The following PPME1 variants were observed in gnomAD, a reference collection of about 807,000 sequenced individuals.
The protein encoded by PPME1 is testicular secretory protein Li 39.
In PPME1, 17 loss-of-function variants were observed where a neutral mutation model predicts 56.9. That is an observed-to-expected ratio of 0.30 (90% confidence interval 0.20 to 0.45). PPME1 has a LOEUF of 0.45. Among genes scored for constraint, PPME1 ranks in the 20% least tolerant of loss-of-function variants. The pLI, the probability that PPME1 is intolerant of heterozygous loss-of-function variation, is 1.00. For missense variants in PPME1, 357 were observed against 483.2 expected, an observed-to-expected ratio of 0.74 and a Z score of 2.45; for synonymous variants, 122 against 156.2, an observed-to-expected ratio of 0.78 and a Z score of 1.63.
At chr11:74,185,474 A>G (rs1271312421) in intron 1 of PPME1, among the ~76,000 whole-genome samples, 1 of 152,096 alleles carries the variant, frequency 6.6e-6, no homozygotes, top group Non-Finnish European at 1.5e-5. Flanking sequence ...GCTTACATAA[A>G]TGCTGACTAT....
intron 11 of PPME1, chr11:74,250,132 G>A (rs974883012): frequency 6.6e-6 from 1 of 152,312 alleles, no homozygotes; most frequent in Non-Finnish European, 1.5e-5. Context: ...ACCACAGGAT[G>A]TAATGACCAG....
rs1157162865 is a variant in PPME1, at chr11:74,230,371, G to T, written c.525G>T (p.Leu175Phe). The T allele has an allele frequency of 6.2e-7, 1 of 1,613,648 alleles. No individual in the cohort carries two copies. Among genetic ancestry groups the T allele is most frequent in the Non-Finnish European group, 8.5e-7 (1 of 1,179,762 alleles). Residue 175 changes from leucine (L) to phenylalanine (F), a missense_variant, in exon 6 of 14, where the codon TTG becomes TTT. Leu to Phe is a conservative substitution (Grantham distance 22). Around this residue, in one of 2 missense-constraint regions of PPME1, gnomAD observed 182 missense variants for 293.8 expected, o/e 0.62. Transcript: ENST00000328257. This position sits in a 1 kb window ranked among gnomAD's most constrained non-coding sequence, Gnocchi z 4.9. ...CATCCAACCTGGTACCAAGCCTCTT[G>T]GGTCTGTGCATGATTGATGTTGTAG... ...TASSNLVPSL[L>F]GLCMIDVVEG... is the part of the protein sequence containing the mutation.
intron 1 of PPME1, among the ~76,000 whole-genome samples, chr11:74,175,648 C>T (rs377050398): frequency 1.4e-4 from 22 of 152,172 alleles, no homozygotes; most frequent in Non-Finnish European, 2.8e-4. Flanking sequence ...ACCTCAAACT[C>T]GTGGGCTCAA....
chr11:74,179,227 C>T (rs1179826556), intron 1 of PPME1, among the ~76,000 whole-genome samples: 1 of 152,208 alleles, frequency 6.6e-6, no homozygotes, highest in Non-Finnish European at 1.5e-5. Flanking sequence ...AGTTTCTCTT[C>T]CTGGGCCTCG....
intron 3 of PPME1, among the ~76,000 whole-genome samples, chr11:74,207,171 C>A (rs2135628591): frequency 6.6e-6 from 1 of 152,286 alleles, no homozygotes; most frequent in Non-Finnish European, 1.5e-5. Flanking sequence ...AGGACTATTA[C>A]AAAGCAACCC....
chr11:74,225,866 CTG>C (rs1858921103), intron 5 of PPME1, among the ~76,000 whole-genome samples: 1 of 152,100 alleles, frequency 6.6e-6, no homozygotes, highest in Non-Finnish European at 1.5e-5. Context: ...TGGTAAAGCT[CTG>C]TGTAGGAATC....
Position 74,171,315 on chromosome 11 carries a change from A to G in PPME1, c.-107A>G. On this transcript the variant is annotated 5_prime_UTR_variant, in exon 1 of 14. Transcript: ENST00000328257. Reference sequence around the variant, plus strand: ...CTACGGGTAGCTGGGTGCTGTCCAAAGGCGACAGGGCGTCGTTAGGGGAGC... The same window carrying G: ...CTACGGGTAGCTGGGTGCTGTCCAAGGGCGACAGGGCGTCGTTAGGGGAGC... 1.3e-6 allele frequency: 2 copies of G among 1,511,784 alleles called. No individual in the cohort carries two copies. The highest frequency in any genetic ancestry group is 1.8e-6 in the Non-Finnish European group (2 of 1,129,598). 93.6% of individuals were successfully genotyped at this position (1,511,784 alleles called of 1,614,324 possible).
chr11:74,177,193 G>T (rs1049888708), intron 1 of PPME1, among the ~76,000 whole-genome samples: 1 of 152,074 alleles, frequency 6.6e-6, no homozygotes, highest in Non-Finnish European at 1.5e-5. Flanking sequence ...AGGCTCAGTG[G>T]TCCATGCCTG....
At chr11:74,233,350 T>A (rs1329794803) in intron 7 of PPME1, among the ~76,000 whole-genome samples, 1 of 152,186 alleles carries the variant, frequency 6.6e-6, no homozygotes, top group African/African-American at 2.4e-5. Context: ...CTATGAGGTA[T>A]TTGGTAATTT....
chr11:74,234,570 TC>T (rs1047396181), intron 7 of PPME1, among the ~76,000 whole-genome samples: 1 of 151,990 alleles, frequency 6.6e-6, no homozygotes, highest in African/African-American at 2.4e-5. Context: ...TGCAGAGAGA[TC>T]AAGTAAGATG....
chr11:74,190,153 T>C (rs1857795922), intron 1 of PPME1, among the ~76,000 whole-genome samples: 1 of 152,222 alleles, frequency 6.6e-6, no homozygotes, highest in Non-Finnish European at 1.5e-5. Flanking sequence ...GAAAGCCACC[T>C]AGCAGCATGC....
chr11:74,237,890 T>A (rs1859237336), intron 8 of PPME1: 1 of 152,234 alleles, frequency 6.6e-6, no homozygotes, highest in Non-Finnish European at 1.5e-5. Context: ...TGCCCACTTT[T>A]CAATTCCTAA....
intron 5 of PPME1, among the ~76,000 whole-genome samples, chr11:74,228,836 C>G (rs949821720): frequency 6.6e-6 from 1 of 151,854 alleles, no homozygotes; most frequent in Non-Finnish European, 1.5e-5. Context: ...GTTCTCTTTT[C>G]TTTCCTTCAT....
intron 1 of PPME1, among the ~76,000 whole-genome samples, chr11:74,173,480 A>C (rs1314271384): frequency 6.6e-6 from 1 of 152,142 alleles, no homozygotes; most frequent in Non-Finnish European, 1.5e-5. Context: ...AAAAAGGAAA[A>C]TCTGCTGATT....
At chr11:74,226,716 G>A (rs1858940675) in intron 5 of PPME1, among the ~76,000 whole-genome samples, 1 of 152,086 alleles carries the variant, frequency 6.6e-6, no homozygotes, top group African/African-American at 2.4e-5. Flanking sequence ...AGAACCTTAA[G>A]GAAACATGGA....
intron 1 of PPME1, among the ~76,000 whole-genome samples, chr11:74,172,137 G>A (rs1014814337): frequency 1.3e-5 from 2 of 152,172 alleles, no homozygotes; most frequent in African/African-American, 4.8e-5. Context: ...TCTTAAGGGA[G>A]AATGAGAAAG....
At chr11:74,199,886 A>G (rs1277508580) in intron 1 of PPME1, among the ~76,000 whole-genome samples, 1 of 152,192 alleles carries the variant, frequency 6.6e-6, no homozygotes, top group Admixed American at 6.5e-5. Flanking sequence ...CCTGAGACTC[A>G]TTCACTACCA....
At chr11:74,229,043 C>T (rs1859000709) in intron 5 of PPME1, among the ~76,000 whole-genome samples, 2 of 152,162 alleles carry the variant, frequency 1.3e-5, no homozygotes, top group Non-Finnish European at 2.9e-5. Context: ...TTGGTGGCCT[C>T]CCTATCTCCC....
chr11:74,194,784 A>G (rs1016082926), intron 1 of PPME1, among the ~76,000 whole-genome samples: 3 of 152,294 alleles, frequency 2.0e-5, no homozygotes, highest in South Asian at 2.1e-4. Flanking sequence ...TCAACATGCA[A>G]AGTTTCAAAA....
Sources: allele counts gnomAD v4.1 joint callset (sites outside exome capture counted in the v4.1 genomes callset), GRCh38; gene constraint gnomAD v4.1.1; regional missense constraint gnomAD v4.1.1; non-coding constraint Gnocchi (gnomAD v3.1); transcripts MANE v1.5; gene names NCBI Gene and HGNC (gene_info 2026-07-23, HGNC 2026-07-21).